PYGB: variants seen among roughly 807,000 people sequenced by gnomAD.
PYGB encodes the protein glycogen phosphorylase, brain form.
PYGB carries 82 observed loss-of-function variants against 94.3 expected under a neutral mutation model. That is an observed-to-expected ratio of 0.87 (90% CI 0.73 to 1.04). The LOEUF is 1.04. Among genes scored for constraint, PYGB ranks in the 50% least tolerant of loss-of-function variants. The pLI is 0.00. For missense variants in PYGB, 1,132 were observed against 1,158.2 expected (o/e 0.98, Z 0.33); for synonymous variants, 488 against 479.1 (o/e 1.02, Z -0.24).
At chr20:25,275,900 C>T (rs2123559088) in intron 5 of PYGB, among the ~76,000 whole-genome samples, 1 of 152,324 alleles carries the variant, frequency 6.6e-6, no homozygotes, top group African/African-American at 2.4e-5. Context: ...CGGTGCGCCG[C>T]CTGTGTGGCT....
At position 25,280,963 on chromosome 20, in the gene PYGB, G is replaced by A; in HGVS notation, c.1254G>A (p.Leu418=). 1 of 1,614,030 alleles carries A rather than the reference G, an allele frequency of 6.2e-7. No homozygotes were observed. Among genetic ancestry groups the A allele is most frequent in the Non-Finnish European group, 8.5e-7 (1 of 1,179,948 alleles). ...NQRHLDHVAA[L]FPGDVDRLRR... ...TTTGGCACCAGCACGTGGCCGCGCT[G>A]TTTCCCGGCGATGTGGACCGCCTGC... The change falls in exon 11 of 20, where the codon CTG becomes CTA. Residue 418 remains leucine (L), a synonymous_variant. Transcript: ENST00000216962.
rs764701427 is a variant in PYGB at position 25,248,422 on chromosome 20, G to A, written c.243+1G>A. ...GCACTACTACGAGCGCGACCCCAAGGTGAGGCGCTGCCCCGCCCTGTGCGC... is the reference window on the plus strand; with the variant it reads ...GCACTACTACGAGCGCGACCCCAAGATGAGGCGCTGCCCCGCCCTGTGCGC... On this transcript the variant is annotated splice_donor_variant, in intron 1 of 19. Transcript: ENST00000216962. LOFTEE classifies it high-confidence loss of function. The A allele has an allele frequency of 9.9e-6, 15 of 1,508,252 alleles. No individual in the cohort carries two copies. The highest frequency in any genetic ancestry group is 1.4e-5 in the African/African-American group (1 of 69,784). The allele number at this position is 1,508,252 out of a possible 1,614,324, so 93.4% of individuals were successfully genotyped here.
Position 25,274,750 on chromosome 20 carries a change from A to G in PYGB, c.660+27A>G, listed in dbSNP as rs1292153995. On this transcript the variant is annotated intron_variant, in intron 5 of 19. Transcript: ENST00000216962. ...TACCTGGGCTGAAATGTCTGCGGGC[A>G]AGGCTGGAGCCAGGTGAGGGGGCTG... 11 of 1,605,942 alleles carry G rather than the reference A, an allele frequency of 6.8e-6. No homozygotes were observed. In the African/African-American group the frequency reaches 9.3e-5, roughly 14 times the overall value.
chr20:25,254,923 A>G (rs776271148), intron 1 of PYGB, among the ~76,000 whole-genome samples: 5 of 152,194 alleles, frequency 3.3e-5, no homozygotes, highest in Non-Finnish European at 7.3e-5. Flanking sequence ...CATAAGTTCT[A>G]AAGTTCTATA....
In PYGB at chr20:25,277,286, TG is replaced by T; in HGVS notation, c.817del (p.Ala273LeufsTer22). The T allele has an allele frequency of 3.2e-6, 5 of 1,586,690 alleles. No homozygotes were observed. Among genetic ancestry groups the T allele is most frequent in the Non-Finnish European group, 4.3e-6 (5 of 1,155,094 alleles). Reference protein sequence around the residue: ...DYIEAVLDRNLAENISRVLYP... With the variant: ...DYIEAVLDRNXAENISRVLYP... Reference sequence around the variant, plus strand: ...ATCGAGGCGGTCCTGGACCGGAACTTGGCTGAGAACATCTCCAGGGTCCTGT... The same window carrying T: ...ATCGAGGCGGTCCTGGACCGGAACTTGCTGAGAACATCTCCAGGGTCCTGT... On this transcript the variant is annotated frameshift_variant, in exon 7 of 20. Transcript: ENST00000216962. LOFTEE classifies it high-confidence loss of function.
At chr20:25,255,277 T>C (rs1050874039) in intron 1 of PYGB, among the ~76,000 whole-genome samples, 8 of 152,148 alleles carry the variant, frequency 5.3e-5, no homozygotes, top group African/African-American at 1.9e-4. Context: ...GTCTGGCAGG[T>C]GGGAGGCCCC....
At chr20:25,264,417 C>G (rs1315635084) in intron 2 of PYGB, among the ~76,000 whole-genome samples, 1 of 152,138 alleles carries the variant, frequency 6.6e-6, no homozygotes, top group Non-Finnish European at 1.5e-5. Flanking sequence ...GTTGGAAGTT[C>G]GGGCCAGGGC....
intron 13 of PYGB, among the ~76,000 whole-genome samples, chr20:25,283,817 C>T (rs573379253): frequency 6.6e-6 from 1 of 152,176 alleles, no homozygotes; most frequent in Non-Finnish European, 1.5e-5. Context: ...GCTGCTCCGC[C>T]GCCTGCACGC....
chr20:25,257,158 A>G (rs1313527568), intron 1 of PYGB, among the ~76,000 whole-genome samples: 3 of 152,232 alleles, frequency 2.0e-5, no homozygotes, highest in Non-Finnish European at 4.4e-5. Flanking sequence ...GAACCATATT[A>G]AGGTAAAAGC....
intron 2 of PYGB, among the ~76,000 whole-genome samples, chr20:25,266,831 T>C (rs1292401115): frequency 6.6e-6 from 1 of 152,212 alleles, no homozygotes; most frequent in Non-Finnish European, 1.5e-5. Flanking sequence ...CCCACAAGAA[T>C]GGCTATAATC....
Position 25,295,668 on chromosome 20 carries a change from C to T in PYGB, c.2377C>T (p.Arg793Trp), listed in dbSNP as rs202186644. The change falls in exon 19 of 20, where the codon CGG (arginine) becomes TGG (tryptophan). Residue 793 changes from arginine to tryptophan, a missense_variant and splice_region_variant. Physicochemically the swap from Arg to Trp is moderately radical, Grantham distance 101. Transcript: ENST00000216962. The part of the protein sequence containing the change: ...QCQAQVDQLY[R>W]NPKEWTKKVI... Reference sequence around the variant, plus strand: ...CCAGGCACAGGTGGACCAGCTGTACCGGGTGAGGCTCCTGGGTCCAGAGGC... The same window carrying T: ...CCAGGCACAGGTGGACCAGCTGTACTGGGTGAGGCTCCTGGGTCCAGAGGC... The T allele has an allele frequency of 8.3e-4, 1,337 of 1,613,006 alleles. 18 individuals are homozygous for T. In the South Asian group the frequency reaches 0.014, roughly 16 times the overall value.
At chr20:25,291,757 T>C (rs2088469580) in intron 16 of PYGB, among the ~76,000 whole-genome samples, 1 of 152,128 alleles carries the variant, frequency 6.6e-6, no homozygotes, top group African/African-American at 2.4e-5. Flanking sequence ...GTCTGGAGTC[T>C]CGGTGCTGGC....
At chr20:25,265,409 C>T (rs1262072181) in intron 2 of PYGB, among the ~76,000 whole-genome samples, 4 of 152,048 alleles carry the variant, frequency 2.6e-5, no homozygotes, top group Non-Finnish European at 4.4e-5. Context: ...TGTTTTTTGA[C>T]AGTAGTCATT....
intron 11 of PYGB, among the ~76,000 whole-genome samples, chr20:25,281,767 C>T (rs2261785): frequency 0.45 from 68,341 of 151,746 alleles, 15,955 homozygotes; most frequent in East Asian, 0.92. Flanking sequence ...ACGGACCGCT[C>T]TGGAGAATGG....
intron 1 of PYGB, among the ~76,000 whole-genome samples, chr20:25,258,378 G>A (rs2092906813): frequency 6.6e-6 from 1 of 152,228 alleles, no homozygotes; most frequent in South Asian, 2.1e-4. Context: ...AGGGAAGTAA[G>A]CTCCTCCTCC....
intron 1 of PYGB, 34 bp downstream of exon 1, chr20:25,248,455 C>T (rs984382518): frequency 1.2e-5 from 16 of 1,333,862 alleles, no homozygotes; most frequent in South Asian, 5.8e-5. Flanking sequence ...CGCCCGTGCC[C>T]GCTGAGAGGG....
chr20:25,289,913 C>T (rs754500206), intron 15 of PYGB: 2 of 533,598 alleles, frequency 3.7e-6, no homozygotes, highest in African/African-American at 1.9e-5. Flanking sequence ...TCCTCCGTGT[C>T]CTGAAATGTT....
rs555234394 is a variant in PYGB, at chr20:25,276,424, C to T, written c.661-222C>T. Among the ~76,000 whole-genome samples the T allele has an allele frequency of 1.3e-4, 19 of 151,914 alleles. No individual in the cohort carries two copies. In the East Asian group the frequency reaches 1.4e-3, roughly 11 times the overall value. On this transcript the variant is annotated intron_variant, in intron 5 of 19. Transcript: ENST00000216962. ...GTCTGGTCTGGGGAGGGTGGTGGGA[C>T]GGGTGGTCCTCTCAGGATGACAATG...
At chr20:25,292,063 G>A (rs977307207) in intron 16 of PYGB, among the ~76,000 whole-genome samples, 1 of 152,198 alleles carries the variant, frequency 6.6e-6, no homozygotes, top group Non-Finnish European at 1.5e-5. Flanking sequence ...GGTGATCCAG[G>A]GAACGACATT....
Sources: gnomAD v4.1 joint callset for allele counts (sites outside exome capture counted in the v4.1 genomes callset) on GRCh38, gnomAD v4.1.1 for gene constraint, MANE v1.5 for transcripts, NCBI Gene and HGNC (gene_info 2026-07-23, HGNC 2026-07-21) for gene names.